The following LOC400499 variants were observed in gnomAD, a reference collection of about 807,000 sequenced individuals.
the LOC400499 span, among the ~76,000 whole-genome samples, chr16:11,466,336 C>T: frequency 3.3e-5 from 5 of 152,152 alleles, no homozygotes; most frequent in East Asian, 1.9e-4. Flanking sequence ...ACCTGAAATG[C>T]GGCCCATGCA....
At chr16:11,431,256 A>G in the LOC400499 span, 19 of 398,960 alleles carry the variant, frequency 4.8e-5, no homozygotes, top group Non-Finnish European at 8.4e-5. Context: ...GGGGGTTAAG[A>G]TCATGGGCTT....
At chr16:11,464,944 A>G in the LOC400499 span, among the ~76,000 whole-genome samples, 1 of 152,206 alleles carries the variant, frequency 6.6e-6, no homozygotes, top group African/African-American at 2.4e-5. Context: ...CTTTAGGAGG[A>G]AGACAGCTCT....
chr16:11,387,227 ACCCGGGCCACGTCCAGGGGCTCGTCC>A, the LOC400499 span: 7 of 1,232,142 alleles, frequency 5.7e-6, no homozygotes, highest in African/African-American at 1.6e-5. Context: ...GTAGCTGGTC[ACCCGGGCCACGTCCAGGGGCTCGTCC>A]CCCGCAGGCA....
At chr16:11,379,422 C>A in the LOC400499 span, among the ~76,000 whole-genome samples, 1 of 152,340 alleles carries the variant, frequency 6.6e-6, no homozygotes, top group African/African-American at 2.4e-5. Context: ...TCTCTTATAA[C>A]AGCTTTTGAC....
chr16:11,481,969 G>A, the LOC400499 span, among the ~76,000 whole-genome samples: 181 of 152,230 alleles, frequency 1.2e-3, 2 homozygotes, highest in East Asian at 0.024. Context: ...TTTTACATAT[G>A]AGAATTTCAT....
chr16:11,390,556 CTGTTCCTGGGATTAAGATG>C, the LOC400499 span: 16 of 1,025,418 alleles, frequency 1.6e-5, no homozygotes, highest in Non-Finnish European at 2.0e-5. Flanking sequence ...GAGATAGGGC[CTGTTCCTGGGATTAAGATG>C]TGGGGAGCTG....
chr16:11,489,176 T>G, the LOC400499 span, among the ~76,000 whole-genome samples: 1 of 152,228 alleles, frequency 6.6e-6, no homozygotes, highest in Non-Finnish European at 1.5e-5. Flanking sequence ...TCAAAACCTG[T>G]GTGACCTTGG....
At chr16:11,411,143 C>G in the LOC400499 span, 1 of 398,474 alleles carries the variant, frequency 2.5e-6, no homozygotes, top group East Asian at 3.6e-5. Flanking sequence ...GGCTGGTGAA[C>G]AGATGTGCAT....
the LOC400499 span, among the ~76,000 whole-genome samples, chr16:11,511,943 AG>A: frequency 6.6e-6 from 1 of 152,142 alleles, no homozygotes. Context: ...CCTTGACCCC[AG>A]GAGGCCAAGG....
the LOC400499 span, among the ~76,000 whole-genome samples, chr16:11,451,245 T>C: frequency 3.9e-5 from 6 of 152,332 alleles, no homozygotes; most frequent in African/African-American, 1.4e-4. Context: ...GTAATCACTG[T>C]ACCATTCATC....
chr16:11,450,050 G>C, the LOC400499 span, among the ~76,000 whole-genome samples: 1 of 152,302 alleles, frequency 6.6e-6, no homozygotes, highest in Non-Finnish European at 1.5e-5. Context: ...CCAACCTGGT[G>C]CCACCCAGCC....
At chr16:11,438,479 AT>A in the LOC400499 span, among the ~76,000 whole-genome samples, 3 of 152,082 alleles carry the variant, frequency 2.0e-5, no homozygotes, top group Non-Finnish European at 4.4e-5. Flanking sequence ...GTTTAAAAAA[AT>A]GCTATCAGGG....
the LOC400499 span, chr16:11,439,589 A>C: frequency 2.5e-6 from 1 of 399,186 alleles, no homozygotes; most frequent in Non-Finnish European, 4.4e-6. Context: ...GGCCTGTTGC[A>C]GGGAGAGTTG....
At chr16:11,427,377 A>C in the LOC400499 span, among the ~76,000 whole-genome samples, 3 of 143,818 alleles carry the variant, frequency 2.1e-5, no homozygotes. Flanking sequence ...AAAAAAAAAA[A>C]AGTGCTCAAC....
At chr16:11,503,901 C>T in the LOC400499 span, among the ~76,000 whole-genome samples, 1 of 152,174 alleles carries the variant, frequency 6.6e-6, no homozygotes, top group Admixed American at 6.5e-5. Flanking sequence ...GGCGTCTATC[C>T]AAAAAATGTC....
chr16:11,519,175 G>T, the LOC400499 span, among the ~76,000 whole-genome samples: 1 of 152,160 alleles, frequency 6.6e-6, no homozygotes, highest in Admixed American at 6.5e-5. Context: ...AGTACCTACA[G>T]CTCCCTGCTA....
chr16:11,386,015 AAC>A, the LOC400499 span, among the ~76,000 whole-genome samples: 1 of 152,206 alleles, frequency 6.6e-6, no homozygotes, highest in Non-Finnish European at 1.5e-5. Flanking sequence ...CAGCCAGGAC[AAC>A]AGAGTGAGAC....
chr16:11,514,457 G>C, the LOC400499 span: 4 of 399,038 alleles, frequency 1.0e-5, no homozygotes, highest in Non-Finnish European at 1.8e-5. Flanking sequence ...TGGCCCCGCG[G>C]AGTCCAGCTC....
At chr16:11,481,562 A>G in the LOC400499 span, among the ~76,000 whole-genome samples, 1 of 152,168 alleles carries the variant, frequency 6.6e-6, no homozygotes, top group East Asian at 1.9e-4. Context: ...ATCTCAGGCA[A>G]TCTGCCCACC....
Sources: allele counts gnomAD v4.1 joint callset (sites outside exome capture counted in the v4.1 genomes callset), GRCh38; gene constraint gnomAD v4.1.1; transcripts MANE v1.5.